The following FBXW7 variants were observed in gnomAD, a reference collection of about 807,000 sequenced individuals.
The protein encoded by FBXW7 is F-box and WD repeat domain containing 7.
Under a neutral mutation model 86.3 loss-of-function variants are expected in FBXW7, and 11 were observed. That is an observed-to-expected ratio of 0.13 (90% CI 0.08 to 0.21). The LOEUF (loss-of-function observed/expected upper bound fraction) is 0.21. FBXW7 is among the 10% of genes least tolerant of loss of function. The pLI is 1.00. For synonymous variants in FBXW7, 313 were observed against 297.9 expected, an observed-to-expected ratio of 1.05 and a Z score of -0.52; for missense variants, 488 against 847.4, an observed-to-expected ratio of 0.58 and a Z score of 5.27.
chr4:152,387,942 T>C (rs1056209651), intron 4 of FBXW7, among the ~76,000 whole-genome samples: 10 of 152,006 alleles, frequency 6.6e-5, no homozygotes, highest in African/African-American at 2.4e-4. Context: ...ACTCCTGACC[T>C]TGTGATCCGC....
At chr4:152,358,167 G>A (rs570681613) in intron 4 of FBXW7, among the ~76,000 whole-genome samples, 16 of 152,156 alleles carry the variant, frequency 1.1e-4, no homozygotes, top group African/African-American at 3.6e-4. Context: ...AGTAAAGTAA[G>A]ACAGATATCA....
At position 152,490,913 on chromosome 4, in the gene FBXW7, C is replaced by T. The variant is rs1745786102; in HGVS notation, c.-120+44028G>A. Among the ~76,000 whole-genome samples, 3 of 152,076 alleles carry T rather than the reference C, an allele frequency of 2.0e-5. No individual in the cohort carries two copies. The South Asian group carries it at 6.2e-4, about 31-fold the overall frequency. ...CAAAACAACAAGCTCTTAAAGATCGCTGTCCCTGATAAATACCAAAACTAA... is the reference window on the plus strand; with the variant it reads ...CAAAACAACAAGCTCTTAAAGATCGTTGTCCCTGATAAATACCAAAACTAA... On this transcript the variant is annotated intron_variant, in intron 2 of 13. Transcript: ENST00000281708.
intron 2 of FBXW7, among the ~76,000 whole-genome samples, chr4:152,504,485 G>A (rs183491218): frequency 6.6e-6 from 1 of 152,216 alleles, no homozygotes; most frequent in East Asian, 1.9e-4. Flanking sequence ...TGACACAAGA[G>A]TTCATGAATT....
chr4:152,471,199 T>A (rs1450282629), intron 2 of FBXW7, among the ~76,000 whole-genome samples: 8 of 146,368 alleles, frequency 5.5e-5, no homozygotes, highest in Non-Finnish European at 9.0e-5. Flanking sequence ...GGAAAAAAAA[T>A]AAGATATATT....
intron 4 of FBXW7, chr4:152,352,329 T>TAACGGATATAAAACA: frequency 3.4e-6 from 3 of 879,938 alleles, no homozygotes; most frequent in Non-Finnish European, 5.2e-6. Context: ...CTTACATTCA[T>TAACGGATATAAAACA]GATATAAAAC....
chr4:152,392,810 T>C (rs965994715), intron 4 of FBXW7, among the ~76,000 whole-genome samples: 1 of 152,170 alleles, frequency 6.6e-6, no homozygotes, highest in African/African-American at 2.4e-5. Flanking sequence ...AGTGATCATC[T>C]TGAGGATGGC....
intron 4 of FBXW7, among the ~76,000 whole-genome samples, chr4:152,405,720 A>G (rs977157078): frequency 6.6e-6 from 1 of 152,230 alleles, no homozygotes; most frequent in Non-Finnish European, 1.5e-5. Context: ...CCTGGCGGGT[A>G]AGAAAAAGAG....
At chr4:152,414,776 G>A (rs1290984413) in intron 2 of FBXW7, among the ~76,000 whole-genome samples, 1 of 152,056 alleles carries the variant, frequency 6.6e-6, no homozygotes, top group Non-Finnish European at 1.5e-5. Flanking sequence ...TGACCTATGG[G>A]TACTTTAAAA....
At position 152,393,568 on chromosome 4, in the gene FBXW7, A is replaced by G. The variant is rs563147396; in HGVS notation, c.501+17735T>C. Among the ~76,000 whole-genome samples the G allele has an allele frequency of 9.8e-5, 15 of 152,304 alleles. No homozygotes were observed. The South Asian group carries it at 3.1e-3, about 32-fold the overall frequency. ...ATTAAACCCTAAGACAGATGGCAGC[A>G]TATCGGTAAAGTACAAACAATTCAT... On this transcript the variant is annotated intron_variant, in intron 4 of 13. Coordinates refer to ENST00000281708, the MANE Select transcript of FBXW7 (RefSeq NM_001349798.2).
At chr4:152,413,676 T>C (rs770369898) in intron 2 of FBXW7, among the ~76,000 whole-genome samples, 5 of 152,136 alleles carry the variant, frequency 3.3e-5, no homozygotes, top group Non-Finnish European at 7.4e-5. Flanking sequence ...TCAAAGATTA[T>C]TACTCTAAAA....
chr4:152,469,388 G>T (rs1743744536), intron 2 of FBXW7, among the ~76,000 whole-genome samples: 1 of 151,892 alleles, frequency 6.6e-6, no homozygotes, highest in Admixed American at 6.6e-5. Context: ...AAATAAAAAA[G>T]TAAAAGCTTT....
intron 11 of FBXW7, among the ~76,000 whole-genome samples, 180 bp downstream of exon 11, chr4:152,328,024 TACAG>T (rs1005670361): frequency 3.3e-5 from 5 of 151,908 alleles, no homozygotes; most frequent in South Asian, 2.1e-4. Flanking sequence ...AAAGGAAATT[TACAG>T]ACAATCACCA....
chr4:152,457,515 G>T (rs960449470), intron 2 of FBXW7, among the ~76,000 whole-genome samples: 5 of 151,866 alleles, frequency 3.3e-5, no homozygotes, highest in Non-Finnish European at 7.4e-5. Flanking sequence ...GTGGTGGCAG[G>T]CGCCTGTAGT....
At chr4:152,485,497 T>C (rs1365253264) in intron 2 of FBXW7, among the ~76,000 whole-genome samples, 4 of 122,974 alleles carry the variant, frequency 3.3e-5, no homozygotes, top group African/African-American at 1.3e-4. Flanking sequence ...ATTGGTAAAC[T>C]GGATCTTCAT....
At chr4:152,435,253 A>T (rs1299173289) in intron 2 of FBXW7, among the ~76,000 whole-genome samples, 1 of 152,154 alleles carries the variant, frequency 6.6e-6, no homozygotes, top group Non-Finnish European at 1.5e-5. Context: ...AACCCATTTG[A>T]GTTTTGTATC....
intron 2 of FBXW7, among the ~76,000 whole-genome samples, chr4:152,494,502 T>C (rs17028932): frequency 0.41 from 62,762 of 152,034 alleles, 14,126 homozygotes; most frequent in African/African-American, 0.59. Context: ...AGGTAACTTT[T>C]TACTGCAGCA....
intron 2 of FBXW7, among the ~76,000 whole-genome samples, chr4:152,464,826 G>GA (rs148285950): frequency 0.014 from 2,078 of 152,086 alleles, 25 homozygotes; most frequent in Middle Eastern, 0.037. Context: ...AGTAAATATT[G>GA]AAAAAAGCTT....
At chr4:152,500,438 ACAT>A (rs1336976828) in intron 2 of FBXW7, among the ~76,000 whole-genome samples, 3 of 147,102 alleles carry the variant, frequency 2.0e-5, no homozygotes, top group Non-Finnish European at 3.0e-5. Context: ...TTTCTCTCTC[ACAT>A]CATCATCATC....
intron 4 of FBXW7, among the ~76,000 whole-genome samples, chr4:152,360,744 C>T (rs771000884): frequency 2.0e-5 from 3 of 151,666 alleles, no homozygotes; most frequent in East Asian, 1.9e-4. Flanking sequence ...ATATAAGGTA[C>T]GGTCCTTTTG....
Sources: gnomAD v4.1 joint callset for allele counts (sites outside exome capture counted in the v4.1 genomes callset) on GRCh38, gnomAD v4.1.1 for gene constraint, MANE v1.5 for transcripts, NCBI Gene and HGNC (gene_info 2026-07-23, HGNC 2026-07-21) for gene names.